IL1RAP: variants seen among roughly 807,000 people sequenced by gnomAD.
The protein encoded by IL1RAP is interleukin-1 receptor accessory protein.
Under a neutral mutation model 60.7 loss-of-function variants are expected in IL1RAP, and 35 were observed. The observed-to-expected ratio is 0.58, with a 90% CI of 0.44 to 0.76. The LOEUF is 0.76. Among genes scored for constraint, IL1RAP ranks in the 30% least tolerant of loss-of-function variants. The probability of loss-of-function intolerance (pLI) is 0.00; values close to 1 mark genes in which losing one functional copy is unlikely to be tolerated. For synonymous variants in IL1RAP, 268 were observed against 250.9 expected, an observed-to-expected ratio of 1.07 and a Z score of -0.64; for missense variants, 572 against 693.9, an observed-to-expected ratio of 0.82 and a Z score of 1.97.
At chr3:190,558,881 T>A (rs1003559332) in intron 2 of IL1RAP, among the ~76,000 whole-genome samples, 3 of 152,214 alleles carry the variant, frequency 2.0e-5, no homozygotes, top group Admixed American at 6.5e-5. Context: ...TTTAACAAAT[T>A]ACCAAAAACT....
chr3:190,620,132 T>C, intron 5 of IL1RAP, 143 bp from the exon 6 acceptor site: 1 of 502,610 alleles, frequency 2.0e-6, no homozygotes, highest in South Asian at 3.0e-5. Flanking sequence ...TCTTGTCAAA[T>C]ACTTGACCAA....
At chr3:190,644,433 T>C in intron 10 of IL1RAP, 36 bp downstream of exon 10, 3 of 1,460,184 alleles carry the variant, frequency 2.1e-6, no homozygotes, top group Non-Finnish European at 2.9e-6. Context: ...CCTCTTCTAC[T>C]GTCATCTTTA....
chr3:190,559,641 CTTTAT>C lies in IL1RAP; in HGVS notation c.-2+3430_-2+3434del, dbSNP rs1355203528. 5.9e-5 allele frequency among the ~76,000 whole-genome samples: 9 copies of C among 152,216 alleles called. No homozygotes were observed. In the East Asian group the frequency reaches 1.7e-3, roughly 29 times the overall value. ...CAACTTTCTTTTCAACCCATATATA[CTTTAT>C]TTTAAGGCATGTATTTTAATTTTGA... On this transcript the variant is annotated intron_variant, in intron 2 of 11. Transcript: ENST00000447382.
At chr3:190,640,757 T>TA (rs1420534272) in intron 9 of IL1RAP, among the ~76,000 whole-genome samples, 1 of 152,156 alleles carries the variant, frequency 6.6e-6, no homozygotes, top group Non-Finnish European at 1.5e-5. Flanking sequence ...CCAAGGTGGT[T>TA]ACCTGGAAAT....
rs540884459 is a variant in IL1RAP, at chr3:190,599,165, C to T, written c.65-4963C>T. 3.9e-5 allele frequency among the ~76,000 whole-genome samples: 6 copies of T among 152,176 alleles called. No individual in the cohort carries two copies. In the East Asian group the frequency reaches 9.7e-4, roughly 25 times the overall value. ...GTGCATAAATTTTATCCTTGGGTCTCGTTCACTGTCATTCTGAGGATCCCT... is the reference window on the plus strand; with the variant it reads ...GTGCATAAATTTTATCCTTGGGTCTTGTTCACTGTCATTCTGAGGATCCCT... On this transcript the variant is annotated intron_variant, in intron 3 of 11. Transcript: ENST00000447382.
chr3:190,601,719 T>C (rs773662246), intron 3 of IL1RAP, among the ~76,000 whole-genome samples: 2 of 152,176 alleles, frequency 1.3e-5, no homozygotes, highest in Non-Finnish European at 2.9e-5. Flanking sequence ...TGCTTCTGAG[T>C]CTGTATCTTG....
intron 5 of IL1RAP, among the ~76,000 whole-genome samples, chr3:190,615,036 C>T (rs1731146172): frequency 6.8e-6 from 1 of 147,888 alleles, no homozygotes; most frequent in Admixed American, 6.8e-5. Context: ...GGATTGTCCT[C>T]CTCCACATGC....
At position 190,651,138 on chromosome 3, in the gene IL1RAP, A is replaced by G; in HGVS notation, c.*2433A>G. On this transcript the variant is annotated 3_prime_UTR_variant, in exon 12 of 12. Transcript: ENST00000447382. ...CAAGGGAAATGGGGAAACATAATTT[A>G]GAGAACAAGAACAAACCATGTCTCA... 1.0e-6 allele frequency: 1 copy of G among 984,738 alleles called. No individual in the cohort carries two copies. The highest frequency in any genetic ancestry group is 1.2e-6 in the Non-Finnish European group (1 of 829,336). The allele number at this position is 984,738 out of a possible 1,614,324, so 61.0% of individuals were successfully genotyped here.
intron 2 of IL1RAP, among the ~76,000 whole-genome samples, chr3:190,560,355 G>A (rs1411088979): frequency 1.3e-5 from 2 of 152,196 alleles, no homozygotes; most frequent in African/African-American, 2.4e-5. Context: ...GCGAATGGTC[G>A]TAGTTTTCAG....
intron 3 of IL1RAP, among the ~76,000 whole-genome samples, chr3:190,571,137 A>AT (rs929091230): frequency 3.9e-5 from 6 of 152,042 alleles, no homozygotes; most frequent in Non-Finnish European, 5.9e-5. Flanking sequence ...TTTATGTGTG[A>AT]TTTTTTCTGT....
At chr3:190,554,384 C>G (rs962566858) in intron 1 of IL1RAP, among the ~76,000 whole-genome samples, 1 of 152,178 alleles carries the variant, frequency 6.6e-6, no homozygotes, top group African/African-American at 2.4e-5. Context: ...GGCTCCTCCC[C>G]CCTGCAAATG....
intron 1 of IL1RAP, among the ~76,000 whole-genome samples, chr3:190,549,657 A>G (rs1014100517): frequency 2.0e-5 from 3 of 152,166 alleles, no homozygotes; most frequent in African/African-American, 7.2e-5. Flanking sequence ...TGATTGGTAA[A>G]ACAACTTTTA....
chr3:190,567,055 GC>G (rs1726474443), intron 3 of IL1RAP, among the ~76,000 whole-genome samples: 1 of 152,122 alleles, frequency 6.6e-6, no homozygotes, highest in African/African-American at 2.4e-5. Context: ...TTCCATGTGG[GC>G]CTTTTAAGAG....
At chr3:190,641,666 A>T (rs1415538705) in intron 9 of IL1RAP, among the ~76,000 whole-genome samples, 1 of 152,216 alleles carries the variant, frequency 6.6e-6, no homozygotes, top group Non-Finnish European at 1.5e-5. Flanking sequence ...GTCATTAAGC[A>T]GGCTCTCTAT....
chr3:190,515,452 A>G (rs1398908987), intron 1 of IL1RAP, among the ~76,000 whole-genome samples: 1 of 152,162 alleles, frequency 6.6e-6, no homozygotes, highest in African/African-American at 2.4e-5. Flanking sequence ...ATACCATCTT[A>G]CAGAGGCATT....
intron 6 of IL1RAP, 126 bp from the exon 7 acceptor site, chr3:190,623,218 A>G: frequency 2.8e-6 from 2 of 705,470 alleles, no homozygotes; most frequent in South Asian, 1.6e-5. Flanking sequence ...ATCTTGGACT[A>G]TAGGCCTTCT....
chr3:190,539,459 G>A (rs1723745104), intron 1 of IL1RAP, among the ~76,000 whole-genome samples: 1 of 152,036 alleles, frequency 6.6e-6, no homozygotes, highest in African/African-American at 2.4e-5. Context: ...TGTTCTCCAA[G>A]TATCTCCATC....
At position 190,645,742 on chromosome 3, in the gene IL1RAP, G is replaced by T; in HGVS notation, c.1245G>T (p.Ala415=). ...TTTATGTATCCTATGCAAGGAATGC[G>T]GAAGAAGAAGAATTTGTATTACTGA... ...YDIYVSYARN[A]EEEEFVLLTL... is the part of the protein sequence containing the mutation. The change falls in exon 11 of 12, where the codon GCG becomes GCT. Residue 415 remains alanine (A), a synonymous_variant. Transcript: ENST00000447382. The T allele has an allele frequency of 1.2e-6, 2 of 1,612,404 alleles. No individual in the cohort carries two copies. Among genetic ancestry groups the T allele is most frequent in the Non-Finnish European group, 1.7e-6 (2 of 1,178,466 alleles).
At chr3:190,562,713 C>T (rs1726009264) in intron 2 of IL1RAP, among the ~76,000 whole-genome samples, 1 of 151,324 alleles carries the variant, frequency 6.6e-6, no homozygotes, top group Non-Finnish European at 1.5e-5. Flanking sequence ...CACACACACA[C>T]ACACACACAC....
Sources: gnomAD v4.1 joint callset for allele counts (sites outside exome capture counted in the v4.1 genomes callset) on GRCh38, gnomAD v4.1.1 for gene constraint, MANE v1.5 for transcripts, NCBI Gene and HGNC (gene_info 2026-07-23, HGNC 2026-07-21) for gene names.